The following B3GAT3 variants were observed in gnomAD, a reference collection of about 807,000 sequenced individuals.
B3GAT3 encodes galactosylgalactosylxylosylprotein 3-beta-glucuronosyltransferase 3.
Under a neutral mutation model 33.1 loss-of-function variants are expected in B3GAT3, and 19 were observed. The observed-to-expected ratio is 0.57, with a 90% CI of 0.40 to 0.84. The LOEUF (loss-of-function observed/expected upper bound fraction) is 0.84, where lower values mean the gene tolerates loss of function less well. Ranked by LOEUF, B3GAT3 falls within the 40% of genes least tolerant of loss-of-function variation. The probability of loss-of-function intolerance (pLI) is 0.00; values close to 1 mark genes in which losing one functional copy is unlikely to be tolerated. For missense variants in B3GAT3, 344 were observed against 441.5 expected (o/e 0.78, Z 1.98); for synonymous variants, 167 against 193.5 (o/e 0.86, Z 1.14).
Position 62,615,623 on chromosome 11 carries a change from C to T in B3GAT3, c.*78G>A, listed in dbSNP as rs1943006724. 1.3e-6 allele frequency: 2 copies of T among 1,558,920 alleles called. No individual in the cohort carries two copies. The highest frequency in any genetic ancestry group is 1.7e-6 in the Non-Finnish European group (2 of 1,154,608). ...CTCCAAGGGTCAGGACTTGGAAAAC[C>T]ACATCCTGGGCAGGCCTGGGGCCCA... On this transcript the variant is annotated 3_prime_UTR_variant, in exon 5 of 5. Coordinates refer to ENST00000265471, the MANE Select transcript of B3GAT3 (RefSeq NM_012200.4).
chr11:62,618,177 CAAA>C (rs150492409), intron 2 of B3GAT3, among the ~76,000 whole-genome samples: 2 of 46,274 alleles, frequency 4.3e-5, no homozygotes, highest in African/African-American at 2.1e-4. Context: ...AACTCTGTCT[CAAA>C]AAAAAAAAAA....
At position 62,619,699 on chromosome 11, in the gene B3GAT3, C is replaced by CTTTTTTTTTTTT. The variant is rs5792264; in HGVS notation, c.257+786_257+797dup. On this transcript the variant is annotated intron_variant, in intron 2 of 4. Transcript: ENST00000265471. ...GGCATGCACCATCACGCCTAGCTAA[C>CTTTTTTTTTTTT]TTTTTTTTTTTTTTTTTTTTTTTTT... 3.5e-5 allele frequency among the ~76,000 whole-genome samples: 3 copies of CTTTTTTTTTTTT among 85,712 alleles called. 1 individual carries two copies. The highest frequency in any genetic ancestry group is 4.9e-5 in the African/African-American group (1 of 20,342). 56.2% of individuals were successfully genotyped at this position (85,712 alleles called of 152,430 possible). A position where few individuals can be genotyped will look rare whatever the true frequency, so the allele number is the denominator to read the frequency against.
intron 1 of B3GAT3, chr11:62,621,241 C>CA: frequency 2.2e-6 from 1 of 456,692 alleles, no homozygotes; most frequent in Non-Finnish European, 4.4e-6. Context: ...GGGAACAAAA[C>CA]AGACACAGTC....
chr11:62,616,276 T>C (rs1943025318), intron 4 of B3GAT3: 7 of 635,822 alleles, frequency 1.1e-5, no homozygotes, highest in Non-Finnish European at 1.9e-5. Flanking sequence ...CAGGGCCTTA[T>C]TCCTTCATCC....
In B3GAT3 at chr11:62,621,867, G is replaced by T. The variant is rs748566255; in HGVS notation, c.81C>A (p.Leu27=). 1 of 1,611,472 alleles carries T rather than the reference G, an allele frequency of 6.2e-7. No individual in the cohort carries two copies. The highest frequency in any genetic ancestry group is 8.5e-7 in the Non-Finnish European group (1 of 1,178,868). ...IAGLLYALVQ[L]GQPCDCLPPL... ...GCACCCCCGCCCCGCCCCGCTCACC[G>T]AGCTGTACCAGCGCGTAGAGGAGGC... The change falls in exon 1 of 5, where the codon CTC becomes CTA. Residue 27 remains leucine (L), a splice_region_variant and synonymous_variant. Coordinates refer to ENST00000265471, the MANE Select transcript of B3GAT3 (RefSeq NM_012200.4).
Position 62,617,082 on chromosome 11 carries a change from C to T in B3GAT3, c.523G>A (p.Val175Met). 6.2e-7 allele frequency: 1 copy of T among 1,614,150 alleles called. No homozygotes were observed. The highest frequency in any genetic ancestry group is 8.5e-7 in the Non-Finnish European group (1 of 1,180,034). The change falls in exon 3 of 5, where the codon GTG becomes ATG. Residue 175 changes from valine to methionine, a missense_variant. Val to Met is a conservative substitution (Grantham distance 21, BLOSUM62 1). Transcript: ENST00000265471. ...LDWLRGRGGAVGGEKDPPPPG... is the reference protein window; with the variant it reads ...LDWLRGRGGAMGGEKDPPPPG... ...GGTGGTGGGTCCTTCTCCCCACCCACAGCACCCCCTCTGCCCCGGAGCCAG... is the reference window on the plus strand; with the variant it reads ...GGTGGTGGGTCCTTCTCCCCACCCATAGCACCCCCTCTGCCCCGGAGCCAG...
intron 4 of B3GAT3, chr11:62,616,294 G>T: frequency 1.4e-6 from 1 of 696,564 alleles, no homozygotes; most frequent in Non-Finnish European, 2.4e-6. Flanking sequence ...TCCTCTCTGT[G>T]CCACATGGGT....
chr11:62,615,370 C>T lies in B3GAT3; in HGVS notation c.*331G>A, dbSNP rs1482533637. 2 of 481,608 alleles carry T rather than the reference C, an allele frequency of 4.2e-6. No individual in the cohort carries two copies. The highest frequency in any genetic ancestry group is 6.7e-5 in the Admixed American group (2 of 29,888). The allele number at this position is 481,608 out of a possible 1,614,324, so 29.8% of individuals were successfully genotyped here. A position where few individuals can be genotyped will look rare whatever the true frequency, so the allele number is the denominator to read the frequency against. ...CAGGTGGGAAGGGTCCAGCCCAGCT[C>T]CTCCAGCCCCCCAGTGCATGCCCAG... On this transcript the variant is annotated 3_prime_UTR_variant, in exon 5 of 5. Transcript: ENST00000265471.
rs1238775308 is a variant in B3GAT3, at chr11:62,615,384, G to A, written c.*317C>T. On this transcript the variant is annotated 3_prime_UTR_variant, in exon 5 of 5. Transcript: ENST00000265471. The stretch of plus-strand genomic sequence containing the variant: ...CCAGCCCAGCTCCTCCAGCCCCCCA[G>A]TGCATGCCCAGCCCCAATAAGTTAC... The A allele has an allele frequency of 2.0e-6, 1 of 503,620 alleles. No homozygotes were observed. Among genetic ancestry groups the A allele is most frequent in the African/African-American group, 1.9e-5 (1 of 51,614 alleles). 31.2% of individuals were successfully genotyped at this position (503,620 alleles called of 1,614,324 possible). A position where few individuals can be genotyped will look rare whatever the true frequency, so the allele number is the denominator to read the frequency against.
rs759584517 is a variant in B3GAT3 at position 62,620,630 on chromosome 11, C to T, written c.124G>A (p.Glu42Lys). 8 of 1,612,372 alleles carry T rather than the reference C, an allele frequency of 5.0e-6. No individual in the cohort carries two copies. Among genetic ancestry groups the T allele is most frequent in the Admixed American group, 3.3e-5 (2 of 59,882 alleles). ...DCLPPLRAAA[E>K]QLRQKDLRIS... ...CTCAGATCCTTCTGCCGTAGCTGCTCGGCTGCTGCCCGCAGGGGAGGAAGG... is the reference window on the plus strand; with the variant it reads ...CTCAGATCCTTCTGCCGTAGCTGCTTGGCTGCTGCCCGCAGGGGAGGAAGG... The change falls in exon 2 of 5, where the codon GAG (glutamate) becomes AAG (lysine). Residue 42 changes from glutamate (E) to lysine (K), a missense_variant. Physicochemically the swap from Glu to Lys is moderately conservative, Grantham distance 56. Transcript: ENST00000265471.
chr11:62,616,891 C>A, intron 3 of B3GAT3, 95 bp from the exon 4 acceptor site: 1 of 1,612,288 alleles, frequency 6.2e-7, no homozygotes, highest in South Asian at 1.1e-5. Context: ...CTGCTTCCAG[C>A]CCCTCACCCA....
intron 4 of B3GAT3, chr11:62,616,203 T>C (rs1283907187): frequency 3.7e-6 from 2 of 543,548 alleles, no homozygotes; most frequent in South Asian, 2.0e-5. Flanking sequence ...AAGATTGCGC[T>C]ACTGCACTCC....
At chr11:62,616,427 T>C (rs770463505) in intron 4 of B3GAT3, 79 bp downstream of exon 4, 66 of 1,592,136 alleles carry the variant, frequency 4.1e-5, no homozygotes, top group Non-Finnish European at 5.3e-5. Flanking sequence ...AAACCACCCA[T>C]TCCCAGGGTC....
intron 4 of B3GAT3, 53 bp from the exon 5 acceptor site, chr11:62,615,852 G>A: frequency 3.1e-6 from 5 of 1,597,870 alleles, no homozygotes; most frequent in East Asian, 2.2e-5. Context: ...CCAGGCCTCT[G>A]GGTCCCCGAG....
In B3GAT3 at chr11:62,615,487, A is replaced by C. The variant is rs1943003549; in HGVS notation, c.*214T>G. The C allele has an allele frequency of 1.1e-6, 1 of 880,370 alleles. No individual in the cohort carries two copies. Among genetic ancestry groups the C allele is most frequent in the Admixed American group, 2.4e-5 (1 of 41,362 alleles). 54.5% of individuals were successfully genotyped at this position (880,370 alleles called of 1,614,324 possible). On this transcript the variant is annotated 3_prime_UTR_variant, in exon 5 of 5. Transcript: ENST00000265471. ...CTAGACAGGGCCAACCTGACTCAAC[A>C]CAAGGGCTGCTTGTCCCCAGCCTGT...
chr11:62,617,633 G>C (rs1357484635), intron 2 of B3GAT3, among the ~76,000 whole-genome samples: 1 of 150,892 alleles, frequency 6.6e-6, no homozygotes, highest in Admixed American at 6.6e-5. Context: ...ATAACACTTT[G>C]GGAGGCTGAG....
chr11:62,619,272 GGT>G (rs1943095672), intron 2 of B3GAT3, among the ~76,000 whole-genome samples: 1 of 152,118 alleles, frequency 6.6e-6, no homozygotes, highest in Non-Finnish European at 1.5e-5. Flanking sequence ...TCCCAGGGCT[GGT>G]TGTGTGTGCA....
rs1435905984 is a variant in B3GAT3 at position 62,616,472 on chromosome 11, A to C, written c.909+34T>G. 5 of 1,613,478 alleles carry C rather than the reference A, an allele frequency of 3.1e-6. No individual in the cohort carries two copies. In the Admixed American group the frequency reaches 8.3e-5, roughly 27 times the overall value. ...CTCCCCCATCACCTGTCCATCCAAG[A>C]GCCAGGTTTCTATGCCCATCTCCAT... On this transcript the variant is annotated intron_variant, in intron 4 of 4. Transcript: ENST00000265471.
In B3GAT3 at chr11:62,617,007, T is replaced by G; in HGVS notation, c.598A>C (p.Ser200Arg). 3 of 1,614,222 alleles carry G rather than the reference T, an allele frequency of 1.9e-6. No individual in the cohort carries two copies. The highest frequency in any genetic ancestry group is 2.5e-6 in the Non-Finnish European group (3 of 1,180,042). ...CTCACCTCCTCAAACAGCTCCCGGC[T>G]GTAGGTGTTGTCATCGTCAGCAAAG... Reference protein sequence around the residue: ...VYFADDDNTYSRELFEEMRWT... With the variant: ...VYFADDDNTYRRELFEEMRWT... Residue 200 changes from serine to arginine, a missense_variant, in exon 3 of 5, where the codon AGC (serine) becomes CGC (arginine). By Grantham distance (110) the Ser-to-Arg change is moderately radical. Transcript: ENST00000265471.
Sources: gnomAD v4.1 joint callset for allele counts (sites outside exome capture counted in the v4.1 genomes callset) on GRCh38, gnomAD v4.1.1 for gene constraint, MANE v1.5 for transcripts, NCBI Gene and HGNC (gene_info 2026-07-23, HGNC 2026-07-21) for gene names.